LMX1A: variants seen among roughly 807,000 people sequenced by gnomAD.
LMX1A encodes LIM homeobox transcription factor 1 alpha, also known as LIM homeobox transcription factor 1-alpha.
In LMX1A, 15 loss-of-function variants were observed where a neutral mutation model predicts 49.1. The ratio of observed to expected loss-of-function variants is 0.31; its 90% CI spans 0.20 to 0.47. The LOEUF (loss-of-function observed/expected upper bound fraction) is 0.47. Ranked by LOEUF, LMX1A falls within the 20% of genes least tolerant of loss-of-function variation. LMX1A has a pLI of 1.00. For missense variants in LMX1A, 372 were observed against 475.8 expected, an observed-to-expected ratio of 0.78 and a Z score of 2.03; for synonymous variants, 167 against 185.7, an observed-to-expected ratio of 0.90 and a Z score of 0.82.
At chr1:165,253,093 T>A (rs1347983646) in intron 3 of LMX1A, among the ~76,000 whole-genome samples, 3 of 152,222 alleles carry the variant, frequency 2.0e-5, no homozygotes, top group African/African-American at 7.2e-5. Flanking sequence ...GTGTCTGTTA[T>A]GTGGTAGAAA....
At chr1:165,312,572 G>A (rs1163523669) in intron 3 of LMX1A, among the ~76,000 whole-genome samples, 2 of 152,268 alleles carry the variant, frequency 1.3e-5, no homozygotes, top group Non-Finnish European at 1.5e-5. Flanking sequence ...GATTGTTCAT[G>A]CTTGGAATCC....
intron 3 of LMX1A, among the ~76,000 whole-genome samples, chr1:165,257,277 C>T (rs532052987): frequency 3.7e-4 from 57 of 152,126 alleles, no homozygotes; most frequent in African/African-American, 1.3e-3. Context: ...GTATTTCTCT[C>T]TCACATGCTC....
At chr1:165,245,179 C>T (rs1406684258) in intron 4 of LMX1A, among the ~76,000 whole-genome samples, 3 of 152,054 alleles carry the variant, frequency 2.0e-5, no homozygotes, top group Non-Finnish European at 4.4e-5. Flanking sequence ...GTATGGGGTA[C>T]AAGTGATCTG....
At chr1:165,313,181 G>A (rs1655122780) in intron 3 of LMX1A, among the ~76,000 whole-genome samples, 1 of 152,148 alleles carries the variant, frequency 6.6e-6, no homozygotes, top group Non-Finnish European at 1.5e-5. Context: ...GTGGTGAAGT[G>A]AAAATGCAGA....
intron 3 of LMX1A, among the ~76,000 whole-genome samples, chr1:165,261,357 C>T (rs559161330): frequency 2.2e-4 from 34 of 152,166 alleles, no homozygotes; most frequent in Non-Finnish European, 3.8e-4. Flanking sequence ...CACCATACCC[C>T]TTACAATGGC....
At chr1:165,247,307 C>A (rs988133747) in intron 4 of LMX1A, among the ~76,000 whole-genome samples, 1 of 151,976 alleles carries the variant, frequency 6.6e-6, no homozygotes, top group African/African-American at 2.4e-5. Flanking sequence ...GTATTCTAAT[C>A]ACCATAACAC....
intron 2 of LMX1A, among the ~76,000 whole-genome samples, chr1:165,354,734 T>TAAATAAAATA (rs145908114): frequency 8.6e-5 from 13 of 151,962 alleles, no homozygotes; most frequent in African/African-American, 3.1e-4. Context: ...TAAAAATAAA[T>TAAATAAAATA]AAATAAAATA....
intron 3 of LMX1A, among the ~76,000 whole-genome samples, chr1:165,317,568 A>G (rs1377253422): frequency 6.6e-6 from 1 of 152,256 alleles, no homozygotes; most frequent in African/African-American, 2.4e-5. Context: ...CATTCTGGGA[A>G]CCACTGGGAC....
chr1:165,213,864 A>T (rs1302291437), intron 4 of LMX1A, 51 bp from the exon 5 acceptor site: 3 of 1,568,172 alleles, frequency 1.9e-6, no homozygotes, highest in Non-Finnish European at 2.6e-6. Context: ...CAGTTCCTGG[A>T]GCTGTATGTT....
At chr1:165,243,801 T>A (rs1652748284) in intron 4 of LMX1A, among the ~76,000 whole-genome samples, 1 of 152,254 alleles carries the variant, frequency 6.6e-6, no homozygotes, top group East Asian at 1.9e-4. Context: ...GCTCCTGTGA[T>A]ATTGTGAAAT....
At chr1:165,279,955 G>A (rs1296944002) in intron 3 of LMX1A, among the ~76,000 whole-genome samples, 1 of 151,556 alleles carries the variant, frequency 6.6e-6, no homozygotes, top group Non-Finnish European at 1.5e-5. Flanking sequence ...GCTAAAATAT[G>A]AGTGTTTTTT....
At chr1:165,319,321 C>G (rs1436874903) in intron 3 of LMX1A, among the ~76,000 whole-genome samples, 1 of 151,968 alleles carries the variant, frequency 6.6e-6, no homozygotes, top group African/African-American at 2.4e-5. Flanking sequence ...AAAGGAAAGG[C>G]TTACAAGTAT....
At chr1:165,249,739 G>T in intron 3 of LMX1A, 99 bp from the exon 4 acceptor site, 1 of 791,184 alleles carries the variant, frequency 1.3e-6, no homozygotes, top group Non-Finnish European at 2.1e-6. Context: ...TTCAAGAACT[G>T]GGATATGAAC....
At chr1:165,229,085 T>C (rs768892143) in intron 4 of LMX1A, among the ~76,000 whole-genome samples, 3 of 152,152 alleles carry the variant, frequency 2.0e-5, no homozygotes, top group Non-Finnish European at 2.9e-5. Flanking sequence ...CAGCTGCCTT[T>C]AATTTATAAA....
At chr1:165,306,364 G>C (rs73017246) in intron 3 of LMX1A, among the ~76,000 whole-genome samples, 169 of 152,254 alleles carry the variant, frequency 1.1e-3, no homozygotes, top group African/African-American at 4.0e-3. Flanking sequence ...TGAGTGTGTG[G>C]TTTGGCTTCT....
chr1:165,316,883 C>T (rs902193335), intron 3 of LMX1A, among the ~76,000 whole-genome samples: 4 of 152,184 alleles, frequency 2.6e-5, no homozygotes, highest in African/African-American at 4.8e-5. Context: ...CCTCCCTAAA[C>T]AGGATTGAGG....
intron 3 of LMX1A, among the ~76,000 whole-genome samples, chr1:165,347,936 A>T (rs1191221279): frequency 7.9e-6 from 1 of 127,202 alleles, no homozygotes; most frequent in African/African-American, 2.5e-5. Flanking sequence ...TTGTCATTAG[A>T]GAAACAGCTC....
chr1:165,330,609 C>T (rs1394448), intron 3 of LMX1A, among the ~76,000 whole-genome samples: 124,675 of 152,186 alleles, frequency 0.82, 51,250 homozygotes, highest in Middle Eastern at 0.91. Context: ...TAGCAGACAA[C>T]GGACCAAAAG....
At chr1:165,290,944 CTTT>C (rs1286333924) in intron 3 of LMX1A, among the ~76,000 whole-genome samples, 1 of 152,114 alleles carries the variant, frequency 6.6e-6, no homozygotes, top group South Asian at 2.1e-4. Flanking sequence ...TGGGAATGAA[CTTT>C]TTTATTTTAG....
Sources: allele counts gnomAD v4.1 joint callset (sites outside exome capture counted in the v4.1 genomes callset), GRCh38; gene constraint gnomAD v4.1.1; transcripts MANE v1.5; gene names NCBI Gene and HGNC (gene_info 2026-07-23, HGNC 2026-07-21).